Variants in KCNIP4 observed in about 807,000 individuals in gnomAD.
KCNIP4 encodes Kv channel-interacting protein 4.
KCNIP4 carries 12 observed loss-of-function variants against 34.0 expected under a neutral mutation model. That is an observed-to-expected ratio of 0.35 (90% CI 0.23 to 0.57). The LOEUF (loss-of-function observed/expected upper bound fraction) is 0.57, where lower values mean the gene tolerates loss of function less well. Among genes scored for constraint, KCNIP4 ranks in the 20% least tolerant of loss-of-function variants. The pLI, the probability that KCNIP4 is intolerant of heterozygous loss-of-function variation, is 0.83. For missense variants in KCNIP4, 238 were observed against 311.7 expected, an observed-to-expected ratio of 0.76 and a Z score of 1.78; for synonymous variants, 124 against 102.2, an observed-to-expected ratio of 1.21 and a Z score of -1.29.
chr4:21,268,491 T>C (rs1047528602), intron 1 of KCNIP4, among the ~76,000 whole-genome samples: 7 of 152,194 alleles, frequency 4.6e-5, no homozygotes, highest in Non-Finnish European at 1.0e-4. Flanking sequence ...TAGCTATTGA[T>C]GTTTTCTAAA....
chr4:21,299,359 C>G (rs1489360630), intron 1 of KCNIP4, among the ~76,000 whole-genome samples: 1 of 151,970 alleles, frequency 6.6e-6, no homozygotes, highest in Non-Finnish European at 1.5e-5. Flanking sequence ...AGTGTAATCT[C>G]TGAATATACT....
At chr4:21,923,903 T>TGTCACCAGAGGAAGTGACCA (rs1729083479) in intron 1 of KCNIP4, among the ~76,000 whole-genome samples, 2 of 152,222 alleles carry the variant, frequency 1.3e-5, no homozygotes, top group Non-Finnish European at 2.9e-5. Context: ...AAAACAGTGG[T>TGTCACCAGAGGAAGTGACCA]GTCACCAGAG....
At chr4:20,842,401 T>C (rs959348792) in intron 3 of KCNIP4, among the ~76,000 whole-genome samples, 3 of 151,568 alleles carry the variant, frequency 2.0e-5, no homozygotes, top group Non-Finnish European at 4.4e-5. Flanking sequence ...TAAATAGGGA[T>C]GAGTGAGGGG....
intron 2 of KCNIP4, among the ~76,000 whole-genome samples, chr4:20,856,912 C>G (rs531022776): frequency 6.6e-6 from 1 of 152,120 alleles, no homozygotes; most frequent in Non-Finnish European, 1.5e-5. Context: ...GCCTTTGTAT[C>G]GGGCAGCAAT....
intron 1 of KCNIP4, among the ~76,000 whole-genome samples, chr4:21,640,592 A>G (rs749320206): frequency 2.0e-4 from 30 of 151,444 alleles, no homozygotes; most frequent in Admixed American, 1.6e-3. Context: ...GTTCCAGCCA[A>G]CCAACCAACC....
intron 1 of KCNIP4, chr4:21,613,723 T>G (rs1351697729): frequency 6.6e-6 from 1 of 152,222 alleles, no homozygotes; most frequent in Non-Finnish European, 1.5e-5. Context: ...CTGCATGTTC[T>G]CATAAGTGTA....
chr4:21,651,532 G>A (rs982189018), intron 1 of KCNIP4, among the ~76,000 whole-genome samples: 8 of 152,188 alleles, frequency 5.3e-5, no homozygotes, highest in African/African-American at 1.4e-4. Context: ...CTAGCACAGT[G>A]ACCTTGTGTG....
chr4:21,271,518 T>C (rs1318888848), intron 1 of KCNIP4, among the ~76,000 whole-genome samples: 1 of 152,164 alleles, frequency 6.6e-6, no homozygotes, highest in East Asian at 1.9e-4. Flanking sequence ...CCAATGCTTA[T>C]AGATAGTTCT....
At position 20,977,395 on chromosome 4, in the gene KCNIP4, C is replaced by T. The variant is rs1180049979; in HGVS notation, c.62-94686G>A. 5.3e-5 allele frequency among the ~76,000 whole-genome samples: 8 copies of T among 152,172 alleles called. No individual in the cohort carries two copies. The East Asian group carries it at 1.5e-3, about 29-fold the overall frequency. ...TCCTAACACTCTCTGAGACATTCCC[C>T]GTTTCTCTGCAGCATGTATTCTCTC... On this transcript the variant is annotated intron_variant, in intron 1 of 8. Transcript: ENST00000382152.
chr4:21,740,989 GA>G (rs1052427393), intron 1 of KCNIP4, among the ~76,000 whole-genome samples: 6 of 150,920 alleles, frequency 4.0e-5, no homozygotes, highest in African/African-American at 9.7e-5. Flanking sequence ...AAGAGGGAGA[GA>G]AAAAAAAATT....
At chr4:21,138,238 GCC>G (rs1751666160) in intron 1 of KCNIP4, among the ~76,000 whole-genome samples, 1 of 152,020 alleles carries the variant, frequency 6.6e-6, no homozygotes, top group Non-Finnish European at 1.5e-5. Flanking sequence ...TCAACTCTGT[GCC>G]CTAAGGATCC....
At chr4:20,753,870 T>A (rs564918937) in intron 4 of KCNIP4, among the ~76,000 whole-genome samples, 2 of 151,858 alleles carry the variant, frequency 1.3e-5, no homozygotes, top group Non-Finnish European at 2.9e-5. Flanking sequence ...GCTTAAAAAA[T>A]GTTTATTGAC....
chr4:21,124,333 G>A (rs773730728), intron 1 of KCNIP4, among the ~76,000 whole-genome samples: 1 of 152,058 alleles, frequency 6.6e-6, no homozygotes, highest in Non-Finnish European at 1.5e-5. Flanking sequence ...GATCCCTGGG[G>A]GTCCCTGGAC....
At chr4:21,209,900 A>G (rs1268975745) in intron 1 of KCNIP4, among the ~76,000 whole-genome samples, 1 of 152,208 alleles carries the variant, frequency 6.6e-6, no homozygotes, top group Non-Finnish European at 1.5e-5. Context: ...AAAAAGTTCA[A>G]TAATTATTCA....
intron 1 of KCNIP4, among the ~76,000 whole-genome samples, chr4:21,376,072 G>A (rs986791356): frequency 6.6e-6 from 1 of 152,100 alleles, no homozygotes; most frequent in African/African-American, 2.4e-5. Context: ...TCTTAAGTTT[G>A]GGAGGAAATG....
chr4:21,193,312 C>T (rs980455245), intron 1 of KCNIP4, among the ~76,000 whole-genome samples: 4 of 152,086 alleles, frequency 2.6e-5, no homozygotes, highest in African/African-American at 9.7e-5. Context: ...TGTGTCACAG[C>T]TGAGCTCAGG....
chr4:21,262,638 C>G (rs767617768), intron 1 of KCNIP4, among the ~76,000 whole-genome samples: 1 of 152,104 alleles, frequency 6.6e-6, no homozygotes, highest in Non-Finnish European at 1.5e-5. Context: ...CTTTCTGGAC[C>G]TATTTTTTAC....
chr4:21,732,445 GTTC>G (rs1232205872), intron 1 of KCNIP4, among the ~76,000 whole-genome samples: 1 of 152,106 alleles, frequency 6.6e-6, no homozygotes, highest in African/African-American at 2.4e-5. Context: ...CACCTATTGT[GTTC>G]TTTCTGGCTA....
At chr4:21,550,863 C>T (rs758612376) in intron 1 of KCNIP4, among the ~76,000 whole-genome samples, 1 of 152,070 alleles carries the variant, frequency 6.6e-6, no homozygotes, top group Non-Finnish European at 1.5e-5. Context: ...TCTGCCAAAG[C>T]CAGCATGACA....
Sources: allele counts gnomAD v4.1 joint callset (sites outside exome capture counted in the v4.1 genomes callset), GRCh38; gene constraint gnomAD v4.1.1; transcripts MANE v1.5; gene names NCBI Gene and HGNC (gene_info 2026-07-23, HGNC 2026-07-21).